DDX10: variants seen among roughly 807,000 people sequenced by gnomAD.
The protein encoded by DDX10 is DEAD-box helicase 10, also known as probable ATP-dependent RNA helicase DDX10.
Under a neutral mutation model 104.3 loss-of-function variants are expected in DDX10, and 74 were observed. That is an observed-to-expected ratio of 0.71 (90% CI 0.59 to 0.86). The LOEUF (loss-of-function observed/expected upper bound fraction) is 0.86, where lower values mean the gene tolerates loss of function less well. Ranked by LOEUF, DDX10 falls within the 40% of genes least tolerant of loss-of-function variation. DDX10 has a pLI of 0.00. For missense variants in DDX10, 952 were observed against 1,040.0 expected (o/e 0.92, Z 1.16); for synonymous variants, 351 against 353.4 (o/e 0.99, Z 0.08).
chr11:108,868,095 A>G (rs1156759024), intron 16 of DDX10, among the ~76,000 whole-genome samples: 2 of 152,164 alleles, frequency 1.3e-5, no homozygotes, highest in African/African-American at 4.8e-5. Context: ...ACTACTGACT[A>G]TATTTCTTTA....
chr11:108,849,914 TC>T (rs1862768826), intron 15 of DDX10, among the ~76,000 whole-genome samples: 2 of 152,136 alleles, frequency 1.3e-5, no homozygotes, highest in Non-Finnish European at 2.9e-5. Context: ...ATTATTTTTT[TC>T]CTACTCCCAC....
chr11:108,727,463 C>T (rs2094306738), intron 13 of DDX10, among the ~76,000 whole-genome samples: 1 of 152,132 alleles, frequency 6.6e-6, no homozygotes, highest in Non-Finnish European at 1.5e-5. Flanking sequence ...CCTTGTCACA[C>T]ACAGTTGTTC....
At chr11:108,666,231 A>G (rs2094209938) in intron 1 of DDX10, among the ~76,000 whole-genome samples, 1 of 152,152 alleles carries the variant, frequency 6.6e-6, no homozygotes, top group Non-Finnish European at 1.5e-5. Flanking sequence ...AAATTACCAC[A>G]AACTTGGCGG....
intron 1 of DDX10, among the ~76,000 whole-genome samples, chr11:108,670,041 T>G (rs1356522000): frequency 2.6e-5 from 4 of 152,200 alleles, no homozygotes; most frequent in Non-Finnish European, 5.9e-5. Flanking sequence ...AAGCCACTAT[T>G]TGTGGTAATT....
At chr11:108,754,847 G>C (rs997031690) in intron 13 of DDX10, among the ~76,000 whole-genome samples, 2 of 152,022 alleles carry the variant, frequency 1.3e-5, no homozygotes, top group African/African-American at 4.8e-5. Flanking sequence ...GAGCATAACA[G>C]TTAAAAACCA....
At chr11:108,816,849 C>T (rs144268226) in intron 13 of DDX10, among the ~76,000 whole-genome samples, 4 of 152,248 alleles carry the variant, frequency 2.6e-5, no homozygotes, top group Non-Finnish European at 4.4e-5. Context: ...CCACCACACC[C>T]GGCCAATAAA....
chr11:108,930,564 A>G (rs1863963142), intron 17 of DDX10, among the ~76,000 whole-genome samples: 1 of 152,158 alleles, frequency 6.6e-6, no homozygotes, highest in Non-Finnish European at 1.5e-5. Flanking sequence ...TTTATAAGAA[A>G]CTGCTAAACT....
chr11:108,764,987 C>T (rs536861607), intron 13 of DDX10, among the ~76,000 whole-genome samples: 6 of 152,244 alleles, frequency 3.9e-5, no homozygotes, highest in African/African-American at 1.2e-4. Context: ...AACAAATTTA[C>T]ATTTATTGCA....
chr11:108,876,920 T>C (rs747977080), intron 16 of DDX10, among the ~76,000 whole-genome samples: 6 of 152,124 alleles, frequency 3.9e-5, no homozygotes, highest in Non-Finnish European at 8.8e-5. Flanking sequence ...AGTGTCCAGA[T>C]AAAAGTCAAA....
At chr11:108,876,528 G>A (rs975018970) in intron 16 of DDX10, among the ~76,000 whole-genome samples, 40 of 152,152 alleles carry the variant, frequency 2.6e-4, no homozygotes, top group Non-Finnish European at 1.2e-4. Context: ...CTTAGGAAGG[G>A]AAACATTGAC....
chr11:108,897,705 C>G (rs1161678771), intron 16 of DDX10, among the ~76,000 whole-genome samples: 1 of 151,596 alleles, frequency 6.6e-6, no homozygotes, highest in Non-Finnish European at 1.5e-5. Flanking sequence ...TTTTAAGAGA[C>G]AGTCTAAGGC....
At chr11:108,688,036 T>C (rs1368981917) in intron 6 of DDX10, among the ~76,000 whole-genome samples, 1 of 152,202 alleles carries the variant, frequency 6.6e-6, no homozygotes, top group Non-Finnish European at 1.5e-5. Context: ...CTCAGCAATA[T>C]ATGGATAGAA....
At chr11:108,779,969 G>A (rs1055583996) in intron 13 of DDX10, among the ~76,000 whole-genome samples, 1 of 152,178 alleles carries the variant, frequency 6.6e-6, no homozygotes, top group African/African-American at 2.4e-5. Flanking sequence ...TTAACTGTCC[G>A]TGAGACTGTG....
chr11:108,889,287 T>C (rs750293536), intron 16 of DDX10, among the ~76,000 whole-genome samples: 5 of 152,206 alleles, frequency 3.3e-5, no homozygotes, highest in Non-Finnish European at 5.9e-5. Flanking sequence ...CAGTTCCTTA[T>C]GTTTGAATAA....
chr11:108,714,961 A>G (rs1040326075), intron 10 of DDX10, among the ~76,000 whole-genome samples: 2 of 142,900 alleles, frequency 1.4e-5, no homozygotes, highest in African/African-American at 4.9e-5. Context: ...CTCACCTACC[A>G]CCACCTATCA....
chr11:108,790,191 A>G (rs1861851327), intron 13 of DDX10, among the ~76,000 whole-genome samples: 1 of 152,182 alleles, frequency 6.6e-6, no homozygotes, highest in South Asian at 2.1e-4. Context: ...CAGATGATGT[A>G]AGGTTTTTAA....
chr11:108,712,535 A>G (rs1034095945), intron 10 of DDX10, among the ~76,000 whole-genome samples: 2 of 152,050 alleles, frequency 1.3e-5, no homozygotes, highest in Non-Finnish European at 2.9e-5. Context: ...ACATAATGCT[A>G]CAGCACTTCA....
At chr11:108,838,418 T>A in intron 13 of DDX10, 28 bp from the exon 14 acceptor site, 5 of 1,594,194 alleles carry the variant, frequency 3.1e-6, no homozygotes, top group Non-Finnish European at 4.3e-6. Flanking sequence ...TTCCTAATCA[T>A]CTGTGTTTTT....
At chr11:108,854,355 A>G (rs1424428257) in intron 16 of DDX10, among the ~76,000 whole-genome samples, 1 of 152,256 alleles carries the variant, frequency 6.6e-6, no homozygotes, top group Non-Finnish European at 1.5e-5. Context: ...CATGTGCTTT[A>G]AATGACAGAT....
Sources: allele counts gnomAD v4.1 joint callset (sites outside exome capture counted in the v4.1 genomes callset), GRCh38; gene constraint gnomAD v4.1.1; transcripts MANE v1.5; gene names NCBI Gene and HGNC (gene_info 2026-07-23, HGNC 2026-07-21).